MMP26: variants seen among roughly 807,000 people sequenced by gnomAD.
MMP26 encodes matrix metalloproteinase-26.
A neutral mutation model predicts 31.0 loss-of-function variants in MMP26; 33 were observed. The ratio of observed to expected loss-of-function variants is 1.06; its 90% confidence interval spans 0.81 to 1.42. The LOEUF (loss-of-function observed/expected upper bound fraction) is 1.42, where lower values mean the gene tolerates loss of function less well. Ranked by LOEUF, MMP26 falls within the 40% of genes most tolerant of loss-of-function variation. MMP26 has a pLI of 0.00. For synonymous variants in MMP26, 122 were observed against 114.9 expected (o/e 1.06, Z -0.40); for missense variants, 347 against 316.1 (o/e 1.10, Z -0.74).
intron 2 of MMP26, among the ~76,000 whole-genome samples, chr11:4,872,405 C>T (rs936297952): frequency 6.6e-6 from 1 of 152,050 alleles, no homozygotes; most frequent in Non-Finnish European, 1.5e-5. Context: ...ACACTTCTAA[C>T]TGTAGATGTG....
chr11:4,978,965 T>A (rs1486191115), intron 2 of MMP26, among the ~76,000 whole-genome samples: 1 of 152,130 alleles, frequency 6.6e-6, no homozygotes, highest in African/African-American at 2.4e-5. Flanking sequence ...GTAAGCATGA[T>A]ACATTGAGCT....
At chr11:4,713,784 A>C (rs771619458) in intron 1 of MMP26, among the ~76,000 whole-genome samples, 1 of 152,098 alleles carries the variant, frequency 6.6e-6, no homozygotes, top group Admixed American at 6.6e-5. Flanking sequence ...TGTGAAGATG[A>C]GGGGCGATCT....
rs1564821343 is a variant in MMP26 at position 4,992,134 on chromosome 11, T to G, written c.757+9T>G. Reference sequence around the variant, plus strand: ...GATCCAGCATTTGTATGGTCTGTGCTGCTTAAGGAAGAGAAGGGAGATCTG... The same window carrying G: ...GATCCAGCATTTGTATGGTCTGTGCGGCTTAAGGAAGAGAAGGGAGATCTG... On this transcript the variant is annotated intron_variant, in intron 7 of 7. Transcript: ENST00000380390. The G allele has an allele frequency of 6.2e-7, 1 of 1,613,110 alleles. No homozygotes were observed. The highest frequency in any genetic ancestry group is 2.2e-5 in the East Asian group (1 of 44,862).
chr11:4,941,741 A>G (rs1846208572), intron 2 of MMP26, among the ~76,000 whole-genome samples: 1 of 44,388 alleles, frequency 2.3e-5, no homozygotes, highest in Non-Finnish European at 5.3e-5. Flanking sequence ...TCATTTTTAT[A>G]AAAAGGAAAA....
At chr11:4,857,613 C>G (rs1850074259) in intron 2 of MMP26, among the ~76,000 whole-genome samples, 1 of 152,094 alleles carries the variant, frequency 6.6e-6, no homozygotes, top group Non-Finnish European at 1.5e-5. Flanking sequence ...AGTCCAGGAC[C>G]AGAGGGATTC....
rs1449424530 is a variant in MMP26, at chr11:4,992,223, G to A, written c.767G>A (p.Cys256Tyr). ...QRIQHLYGEK[C>Y]SSDIP is the part of the protein sequence containing the mutation. ...TTTTCTGTTTCCATAGGAGAAAAAT[G>A]TTCATCTGACATACCTTAATGTTAG... The change falls in exon 8 of 8, where the codon TGT (cysteine) becomes TAT (tyrosine). Residue 256 changes from cysteine (C) to tyrosine (Y), a missense_variant. Cys to Tyr is a radical substitution (Grantham distance 194). Coordinates refer to ENST00000380390, the MANE Select transcript of MMP26 (RefSeq NM_021801.5). The A allele has an allele frequency of 6.2e-6, 10 of 1,603,006 alleles. No homozygotes were observed. Among genetic ancestry groups the A allele is most frequent in the Admixed American group, 5.0e-5 (3 of 59,414 alleles).
intron 2 of MMP26, among the ~76,000 whole-genome samples, chr11:4,801,513 T>C (rs1216058177): frequency 1.7e-3 from 3 of 1,758 alleles, no homozygotes; most frequent in Non-Finnish European, 8.4e-3. Context: ...TTTTTATTTA[T>C]TTATTTATTT....
At chr11:4,988,467 C>T (rs1846939261) in intron 3 of MMP26, among the ~76,000 whole-genome samples, 157 bp downstream of exon 3, 1 of 152,042 alleles carries the variant, frequency 6.6e-6, no homozygotes, top group Non-Finnish European at 1.5e-5. Flanking sequence ...TCATTTTTCT[C>T]TTCTAATTTT....
intron 2 of MMP26, among the ~76,000 whole-genome samples, chr11:4,898,999 A>C (rs1850762705): frequency 6.6e-6 from 1 of 152,134 alleles, no homozygotes; most frequent in African/African-American, 2.4e-5. Flanking sequence ...TGGAACTGGA[A>C]CAACCCTTCA....
chr11:4,830,629 G>C (rs1216959972), intron 2 of MMP26, among the ~76,000 whole-genome samples: 1 of 152,198 alleles, frequency 6.6e-6, no homozygotes, highest in Non-Finnish European at 1.5e-5. Flanking sequence ...TATTGCTTTT[G>C]TCTCTGTCAG....
rs780938682 is a variant in MMP26 at position 4,803,484 on chromosome 11, G to T, written c.-145+36143G>T. 3 of 1,613,896 alleles carry T rather than the reference G, an allele frequency of 1.9e-6. No homozygotes were observed. In the South Asian group the frequency reaches 3.3e-5, roughly 18 times the overall value. ...GGATAACCCTGTCCCCGATCTGTTT[G>T]GTTCTAACTCCATAAATGATGGGGT... On this transcript the variant is annotated intron_variant, in intron 2 of 7. Transcript: ENST00000380390.
At chr11:4,771,856 G>A (rs184381903) in intron 2 of MMP26, among the ~76,000 whole-genome samples, 6 of 152,204 alleles carry the variant, frequency 3.9e-5, no homozygotes. Context: ...GTGGATCGAT[G>A]AGGACAGGGC....
At chr11:4,742,382 A>G (rs1848326418) in intron 1 of MMP26, among the ~76,000 whole-genome samples, 2 of 152,150 alleles carry the variant, frequency 1.3e-5, no homozygotes, top group African/African-American at 4.8e-5. Context: ...TCCAGCAAAT[A>G]ATGGTGTCTA....
chr11:4,771,556 CAATT>C (rs1848720587), intron 2 of MMP26, among the ~76,000 whole-genome samples: 1 of 152,002 alleles, frequency 6.6e-6, no homozygotes, highest in African/African-American at 2.4e-5. Flanking sequence ...ATAATTTTGT[CAATT>C]AATATATTTA....
At chr11:4,829,380 C>T (rs1849616965) in intron 2 of MMP26, among the ~76,000 whole-genome samples, 1 of 152,114 alleles carries the variant, frequency 6.6e-6, no homozygotes, top group South Asian at 2.1e-4. Context: ...TCATTGTCGG[C>T]TATCTAAGTT....
chr11:4,985,285 A>T (rs1846869790), intron 2 of MMP26, among the ~76,000 whole-genome samples: 1 of 152,216 alleles, frequency 6.6e-6, no homozygotes, highest in Non-Finnish European at 1.5e-5. Context: ...AATAAGGTCT[A>T]TATCACCATG....
At chr11:4,909,966 T>C (rs945279512) in intron 2 of MMP26, among the ~76,000 whole-genome samples, 1 of 152,108 alleles carries the variant, frequency 6.6e-6, no homozygotes, top group African/African-American at 2.4e-5. Context: ...TGTATTTTTT[T>C]TGGTCAGAAA....
chr11:4,750,500 G>C (rs1209791025), intron 1 of MMP26, among the ~76,000 whole-genome samples: 1 of 151,952 alleles, frequency 6.6e-6, no homozygotes, highest in African/African-American at 2.4e-5. Flanking sequence ...CTTCACAATA[G>C]TAAAATATGG....
intron 2 of MMP26, chr11:4,794,172 T>C (rs1487462755): frequency 1.3e-5 from 2 of 152,192 alleles, no homozygotes; most frequent in Non-Finnish European, 2.9e-5. Context: ...CACTTGCTCA[T>C]AGTAGGTCTA....
Sources: gnomAD v4.1 joint callset for allele counts (sites outside exome capture counted in the v4.1 genomes callset) on GRCh38, gnomAD v4.1.1 for gene constraint, MANE v1.5 for transcripts, NCBI Gene and HGNC (gene_info 2026-07-23, HGNC 2026-07-21) for gene names.